Variants in SYT17 observed in about 807,000 individuals in gnomAD.
SYT17 encodes synaptotagmin-17.
In SYT17, 22 loss-of-function variants were observed where a neutral mutation model predicts 46.7. The observed-to-expected ratio is 0.47, with a 90% CI of 0.34 to 0.67. SYT17 has a LOEUF of 0.67. Among genes scored for constraint, SYT17 ranks in the 30% least tolerant of loss-of-function variants. SYT17 has a pLI of 0.01. For synonymous variants in SYT17, 251 were observed against 248.4 expected, an observed-to-expected ratio of 1.01 and a Z score of -0.10; for missense variants, 519 against 612.8, an observed-to-expected ratio of 0.85 and a Z score of 1.62.
At position 19,219,448 on chromosome 16, in the gene SYT17, A is replaced by AT. The variant is rs1439431472; in HGVS notation, c.952-3597_952-3596insT. On this transcript the variant is annotated intron_variant, in intron 5 of 7. Transcript: ENST00000355377. ...AAAAAAAAAAAAAAAAAAAAAAAATAATAATAATAATAATAATAAAACAAA... is the reference window on the plus strand; with the variant it reads ...AAAAAAAAAAAAAAAAAAAAAAAATATATAATAATAATAATAATAAAACAAA... Among the ~76,000 whole-genome samples the AT allele has an allele frequency of 4.6e-4, 2 of 4,366 alleles. 1 individual carries two copies. Among genetic ancestry groups the AT allele is most frequent in the African/African-American group, 7.4e-3 (2 of 270 alleles). 2.9% of individuals were successfully genotyped at this position (4,366 alleles called of 152,430 possible). A position where few individuals can be genotyped will look rare whatever the true frequency, so the allele number is the denominator to read the frequency against.
intron 5 of SYT17, among the ~76,000 whole-genome samples, chr16:19,213,354 G>A (rs370557389): frequency 3.3e-5 from 5 of 152,186 alleles, no homozygotes; most frequent in South Asian, 2.1e-4. Flanking sequence ...GCGGGAATGC[G>A]GTTACACTGG....
In SYT17 at chr16:19,267,070, G is replaced by C; in HGVS notation, c.1419G>C (p.Val473=). 2 of 1,593,812 alleles carry C rather than the reference G, an allele frequency of 1.3e-6. No individual in the cohort carries two copies. The highest frequency in any genetic ancestry group is 1.7e-6 in the Non-Finnish European group (2 of 1,169,850). Residue 473 remains valine, a synonymous_variant, in exon 8 of 8, where the codon GTG becomes GTC. Coordinates refer to ENST00000355377, the MANE Select transcript of SYT17 (RefSeq NM_016524.4). ...GCGTGTCTCCTGCCTCCCTGGAGGTGACCTGAGGGCTGCAGGGAAGGCAGC... is the reference window on the plus strand; with the variant it reads ...GCGTGTCTCCTGCCTCCCTGGAGGTCACCTGAGGGCTGCAGGGAAGGCAGC... The part of the protein sequence containing the change: ...CDRVSPASLE[V]T
At chr16:19,199,417 G>C (rs1334340726) in intron 5 of SYT17, among the ~76,000 whole-genome samples, 2 of 152,088 alleles carry the variant, frequency 1.3e-5, no homozygotes, top group African/African-American at 4.8e-5. Flanking sequence ...ACCTGAAGTT[G>C]CCTTTGAAAA....
chr16:19,197,415 TTTTTG>T (rs1247693234), intron 5 of SYT17, among the ~76,000 whole-genome samples: 3 of 143,076 alleles, frequency 2.1e-5, no homozygotes, highest in Non-Finnish European at 3.1e-5. Flanking sequence ...GGACAGGTTT[TTTTTG>T]TTTTGTTTTG....
At chr16:19,222,947 C>T (rs1320840145) in intron 5 of SYT17, 98 bp from the exon 6 acceptor site, 3 of 1,524,284 alleles carry the variant, frequency 2.0e-6, no homozygotes, top group South Asian at 1.2e-5. Context: ...GCGCTCACAG[C>T]AACCTGTTTG....
chr16:19,213,307 C>T (rs898080900), intron 5 of SYT17, among the ~76,000 whole-genome samples: 1 of 152,168 alleles, frequency 6.6e-6, no homozygotes, highest in Admixed American at 6.6e-5. Context: ...TTGGACCACA[C>T]AATCTAAGCT....
chr16:19,246,468 G>A (rs142499058), intron 7 of SYT17, among the ~76,000 whole-genome samples: 4 of 152,174 alleles, frequency 2.6e-5, no homozygotes, highest in African/African-American at 9.6e-5. Flanking sequence ...CATATATTAT[G>A]TGCAACCGTA....
At chr16:19,187,765 A>G (rs1330614284) in intron 5 of SYT17, among the ~76,000 whole-genome samples, 1 of 152,222 alleles carries the variant, frequency 6.6e-6, no homozygotes, top group African/African-American at 2.4e-5. Flanking sequence ...AGAGAAATGC[A>G]AATCAACACT....
chr16:19,246,736 T>C (rs8062870), intron 7 of SYT17, among the ~76,000 whole-genome samples: 6,451 of 152,300 alleles, frequency 0.042, 500 homozygotes, highest in African/African-American at 0.15. Context: ...CTTCTCACTT[T>C]GTACATCTTA....
chr16:19,265,310 T>C (rs1383016405), intron 7 of SYT17, among the ~76,000 whole-genome samples: 1 of 152,254 alleles, frequency 6.6e-6, no homozygotes, highest in Non-Finnish European at 1.5e-5. Context: ...CTGAGCATGT[T>C]ACCAAATGTA....
chr16:19,266,541 G>A (rs570160697), intron 7 of SYT17, among the ~76,000 whole-genome samples: 1 of 152,298 alleles, frequency 6.6e-6, no homozygotes, highest in South Asian at 2.1e-4. Flanking sequence ...ATGCAGTGTG[G>A]TGATGCCGTG....
intron 5 of SYT17, among the ~76,000 whole-genome samples, chr16:19,197,932 G>A (rs574183872): frequency 2.6e-4 from 39 of 152,280 alleles, no homozygotes; most frequent in African/African-American, 8.9e-4. Flanking sequence ...CACAAGGGAG[G>A]CGATCTCATG....
At position 19,191,621 on chromosome 16, in the gene SYT17, T is replaced by C. The variant is rs573154144; in HGVS notation, c.951+7474T>C. ...AGTGTACCAATGTCAGCCACTTATT[T>C]TGAAATGCATTCAAAAAAGATAGAG... On this transcript the variant is annotated intron_variant, in intron 5 of 7. Transcript: ENST00000355377. Among the ~76,000 whole-genome samples, 113 of 152,320 alleles carry C rather than the reference T, an allele frequency of 7.4e-4. 2 individuals carry two copies. The highest frequency in any genetic ancestry group is 1.3e-3 in the Non-Finnish European group (89 of 68,022).
At chr16:19,202,728 T>A (rs1219831468) in intron 5 of SYT17, among the ~76,000 whole-genome samples, 1 of 152,142 alleles carries the variant, frequency 6.6e-6, no homozygotes, top group Non-Finnish European at 1.5e-5. Flanking sequence ...CCGGGCATTT[T>A]ATTTTTATTT....
intron 3 of SYT17, among the ~76,000 whole-genome samples, chr16:19,175,128 A>G (rs1471795933): frequency 6.6e-6 from 1 of 152,182 alleles, no homozygotes; most frequent in East Asian, 1.9e-4. Context: ...CCCTGTCTCA[A>G]AAATAAATAC....
intron 5 of SYT17, among the ~76,000 whole-genome samples, chr16:19,218,814 C>T (rs911917794): frequency 6.6e-6 from 1 of 152,250 alleles, no homozygotes; most frequent in Non-Finnish European, 1.5e-5. Context: ...ATTCTGCCCA[C>T]ACTGGCCTTC....
chr16:19,253,906 T>G (rs865945273), intron 7 of SYT17, among the ~76,000 whole-genome samples: 5 of 152,084 alleles, frequency 3.3e-5, no homozygotes, highest in African/African-American at 9.7e-5. Context: ...TTTTTGTATT[T>G]TTAGTAGAGA....
chr16:19,232,839 T>TAAAC (rs57954740), intron 7 of SYT17, among the ~76,000 whole-genome samples: 37,158 of 150,110 alleles, frequency 0.25, 4,804 homozygotes, highest in South Asian at 0.39. Flanking sequence ...CTCAAAAACA[T>TAAAC]AAACAAACAA....
At chr16:19,179,306 T>C (rs1169935976) in intron 3 of SYT17, among the ~76,000 whole-genome samples, 1 of 152,028 alleles carries the variant, frequency 6.6e-6, no homozygotes, top group East Asian at 1.9e-4. Context: ...TTAAAAAATT[T>C]TTTTGTAGAA....
Sources: gnomAD v4.1 joint callset for allele counts (sites outside exome capture counted in the v4.1 genomes callset) on GRCh38, gnomAD v4.1.1 for gene constraint, MANE v1.5 for transcripts, NCBI Gene and HGNC (gene_info 2026-07-23, HGNC 2026-07-21) for gene names.